Variants in NELL1 observed in about 807,000 individuals in gnomAD.
NELL1 encodes the protein protein kinase C-binding protein NELL1.
In NELL1, 76 loss-of-function variants were observed where a neutral mutation model predicts 107.4. The observed-to-expected ratio is 0.71, with a 90% CI of 0.59 to 0.86. NELL1 has a LOEUF of 0.86. Ranked by LOEUF, NELL1 falls within the 40% of genes least tolerant of loss-of-function variation. The pLI is 0.00. For synonymous variants in NELL1, 353 were observed against 341.2 expected (o/e 1.03, Z -0.38); for missense variants, 1,024 against 1,005.5 (o/e 1.02, Z -0.25).
Position 21,570,960 on chromosome 11 carries a change from A to T in NELL1, c.2157+20A>T. 1 of 1,607,076 alleles carries T rather than the reference A, an allele frequency of 6.2e-7. No homozygotes were observed. The highest frequency in any genetic ancestry group is 1.1e-5 in the South Asian group (1 of 90,464). ...TGTCTGGTATGTTGGCTTCCTTTAT[A>T]AGGTGTTGAGCCTTTACTCTGAAAG... On this transcript the variant is annotated intron_variant, in intron 18 of 19. Transcript: ENST00000357134.
chr11:20,875,139 T>C (rs1849278234), intron 4 of NELL1, among the ~76,000 whole-genome samples: 1 of 152,218 alleles, frequency 6.6e-6, no homozygotes, highest in Non-Finnish European at 1.5e-5. Context: ...TGACAGCTGA[T>C]CTTAGCTCGC....
At chr11:21,070,593 G>A (rs1853988305) in intron 12 of NELL1, among the ~76,000 whole-genome samples, 1 of 152,238 alleles carries the variant, frequency 6.6e-6, no homozygotes, top group African/African-American at 2.4e-5. Flanking sequence ...CAGAGAGTGT[G>A]CTTATTTTCT....
At chr11:21,269,126 T>A (rs1848690938) in intron 14 of NELL1, among the ~76,000 whole-genome samples, 1 of 149,586 alleles carries the variant, frequency 6.7e-6, no homozygotes. Context: ...AAAAGAAAAC[T>A]GAGAAAAAAA....
intron 13 of NELL1, among the ~76,000 whole-genome samples, chr11:21,211,011 C>T (rs1294295446): frequency 6.6e-6 from 1 of 151,992 alleles, no homozygotes; most frequent in Non-Finnish European, 1.5e-5. Flanking sequence ...TAGGCACTTA[C>T]TAAATTTTAG....
intron 12 of NELL1, among the ~76,000 whole-genome samples, chr11:21,069,706 G>C (rs536914395): frequency 6.8e-4 from 103 of 152,236 alleles, no homozygotes; most frequent in Admixed American, 1.4e-3. Flanking sequence ...TAGAATTTTA[G>C]TATCTTTCTT....
At chr11:21,496,242 A>T (rs1231375409) in intron 15 of NELL1, among the ~76,000 whole-genome samples, 5 of 151,974 alleles carry the variant, frequency 3.3e-5, no homozygotes, top group Non-Finnish European at 1.5e-5. Context: ...ACATATTATC[A>T]TTGCATTCCC....
intron 13 of NELL1, among the ~76,000 whole-genome samples, chr11:21,198,126 T>C (rs916391373): frequency 6.6e-6 from 1 of 151,970 alleles, no homozygotes; most frequent in Admixed American, 6.6e-5. Context: ...GGCTCCTGGG[T>C]TGATATTCCT....
At chr11:21,227,817 A>G (rs1857933145) in intron 13 of NELL1, among the ~76,000 whole-genome samples, 1 of 152,206 alleles carries the variant, frequency 6.6e-6, no homozygotes, top group Admixed American at 6.5e-5. Flanking sequence ...AAATTCAACT[A>G]TTAAATCAAC....
At chr11:21,162,574 G>A (rs1015296739) in intron 13 of NELL1, among the ~76,000 whole-genome samples, 1 of 152,150 alleles carries the variant, frequency 6.6e-6, no homozygotes, top group Non-Finnish European at 1.5e-5. Flanking sequence ...TAGTTCCTAT[G>A]TCATAGAAGA....
chr11:21,193,864 A>C lies in NELL1; in HGVS notation c.1427-35468A>C, dbSNP rs1400918647. Among the ~76,000 whole-genome samples the C allele has an allele frequency of 1.3e-5, 2 of 151,892 alleles. 1 individual carries two copies. Among genetic ancestry groups the C allele is most frequent in the African/African-American group, 4.9e-5 (2 of 41,158 alleles). On this transcript the variant is annotated intron_variant, in intron 13 of 19. Coordinates refer to ENST00000357134, the MANE Select transcript of NELL1 (RefSeq NM_006157.5). The stretch of plus-strand genomic sequence containing the variant: ...AGGGTTTGTCTCACTTTGATGGAGA[A>C]AATATTTCACAATGTTTACACTTGA...
chr11:21,337,880 T>C (rs539885909), intron 14 of NELL1, among the ~76,000 whole-genome samples: 5 of 150,458 alleles, frequency 3.3e-5, no homozygotes, highest in African/African-American at 9.8e-5. Context: ...TTTCTTTCTT[T>C]CTTTCAGTGC....
chr11:20,793,060 T>G (rs1857105645), intron 3 of NELL1, among the ~76,000 whole-genome samples: 1 of 151,928 alleles, frequency 6.6e-6, no homozygotes, highest in African/African-American at 2.4e-5. Context: ...TAAACATAAT[T>G]AGAAAAGGAC....
At chr11:20,968,859 T>C (rs1851438265) in intron 12 of NELL1, among the ~76,000 whole-genome samples, 1 of 152,040 alleles carries the variant, frequency 6.6e-6, no homozygotes, top group Non-Finnish European at 1.5e-5. Flanking sequence ...GGGAGGTTTT[T>C]ATGGGCCAGG....
intron 16 of NELL1, among the ~76,000 whole-genome samples, chr11:21,559,114 TAAC>T (rs1276478950): frequency 1.3e-5 from 2 of 152,146 alleles, no homozygotes; most frequent in South Asian, 2.1e-4. Flanking sequence ...TGGAAAAAAG[TAAC>T]TTCTAGAAAT....
At chr11:20,743,904 T>C (rs1430645489) in intron 2 of NELL1, among the ~76,000 whole-genome samples, 1 of 152,180 alleles carries the variant, frequency 6.6e-6, no homozygotes, top group African/African-American at 2.4e-5. Context: ...ACTCTGGACA[T>C]CTTCTTGCCC....
chr11:21,258,208 G>T (rs1418703471), intron 14 of NELL1, among the ~76,000 whole-genome samples: 1 of 151,998 alleles, frequency 6.6e-6, no homozygotes, highest in African/African-American at 2.4e-5. Flanking sequence ...TTTCATTTGA[G>T]GACAAGGGAA....
intron 11 of NELL1, 33 bp downstream of exon 11, chr11:20,947,468 G>A: frequency 1.3e-6 from 2 of 1,506,516 alleles, no homozygotes; most frequent in Admixed American, 1.7e-5. Context: ...CATGCGTGGG[G>A]TGAGGCTGGG....
intron 2 of NELL1, among the ~76,000 whole-genome samples, chr11:20,695,407 C>T (rs1854588493): frequency 6.6e-6 from 1 of 152,166 alleles, no homozygotes; most frequent in East Asian, 1.9e-4. Flanking sequence ...TTTGCCTGTC[C>T]AATACGATGG....
At chr11:20,804,591 C>T (rs1317391329) in intron 3 of NELL1, among the ~76,000 whole-genome samples, 1 of 152,166 alleles carries the variant, frequency 6.6e-6, no homozygotes, top group Non-Finnish European at 1.5e-5. Context: ...TGTATAGTTT[C>T]CATAATTCCT....
Sources: gnomAD v4.1 joint callset for allele counts (sites outside exome capture counted in the v4.1 genomes callset) on GRCh38, gnomAD v4.1.1 for gene constraint, MANE v1.5 for transcripts, NCBI Gene and HGNC (gene_info 2026-07-23, HGNC 2026-07-21) for gene names.